The following SND1 variants were observed in gnomAD, a reference collection of about 807,000 sequenced individuals.
SND1 encodes the protein staphylococcal nuclease and tudor domain containing 1.
SND1 carries 38 observed loss-of-function variants against 121.7 expected under a neutral mutation model. That is an observed-to-expected ratio of 0.31 (90% confidence interval 0.24 to 0.41). The LOEUF (loss-of-function observed/expected upper bound fraction) is 0.41. Among genes scored for constraint, SND1 ranks in the 10% least tolerant of loss-of-function variants. The pLI is 1.00. For missense variants in SND1, 868 were observed against 1,184.6 expected, an observed-to-expected ratio of 0.73 and a Z score of 3.92; for synonymous variants, 401 against 447.4, an observed-to-expected ratio of 0.90 and a Z score of 1.31.
At chr7:128,041,347 C>T (rs1175907125) in intron 16 of SND1, among the ~76,000 whole-genome samples, 1 of 152,162 alleles carries the variant, frequency 6.6e-6, no homozygotes, top group Non-Finnish European at 1.5e-5. Flanking sequence ...GAAACCAGCC[C>T]AGCGCCCACA....
chr7:127,771,974 A>G (rs565233794), intron 10 of SND1, among the ~76,000 whole-genome samples: 13 of 152,304 alleles, frequency 8.5e-5, no homozygotes, highest in African/African-American at 2.9e-4. Context: ...TTTCCTATCC[A>G]TCAGATAATG....
At position 127,660,394 on chromosome 7, in the gene SND1, G is replaced by A. The variant is rs1366212286; in HGVS notation, c.78+7943G>A. Among the ~76,000 whole-genome samples, 3 of 152,212 alleles carry A rather than the reference G, an allele frequency of 2.0e-5. No homozygotes were observed. In the East Asian group the frequency reaches 5.8e-4, roughly 29 times the overall value. ...CCCTGCTCTTGACTGGGAGACTGTG[G>A]TGGGAGTGTGGGGGCTAATAGGGTC... On this transcript the variant is annotated intron_variant, in intron 1 of 23. Transcript: ENST00000354725.
intron 11 of SND1, among the ~76,000 whole-genome samples, chr7:127,814,047 ATATTAATTTGCT>A (rs1225266223): frequency 5.3e-5 from 8 of 152,170 alleles, no homozygotes; most frequent in African/African-American, 1.9e-4. Flanking sequence ...ATATACTCTT[ATATTAATTTGCT>A]TATTATTAAA....
intron 1 of SND1, among the ~76,000 whole-genome samples, chr7:127,675,234 T>C (rs1352282077): frequency 1.3e-5 from 2 of 152,134 alleles, no homozygotes; most frequent in Non-Finnish European, 2.9e-5. Flanking sequence ...TTTTTTTCCT[T>C]ATTAAAACAT....
chr7:127,677,462 A>G (rs1006866210), intron 1 of SND1, among the ~76,000 whole-genome samples: 4 of 152,232 alleles, frequency 2.6e-5, no homozygotes, highest in Non-Finnish European at 5.9e-5. Context: ...GAATTGGTCC[A>G]GAATTTATTT....
At chr7:127,734,690 T>A (rs1419021246) in intron 10 of SND1, among the ~76,000 whole-genome samples, 1 of 152,130 alleles carries the variant, frequency 6.6e-6, no homozygotes, top group Non-Finnish European at 1.5e-5. Flanking sequence ...TAACACAGTG[T>A]GCAGGTTTAG....
chr7:128,053,670 C>T (rs1793086619), intron 16 of SND1, among the ~76,000 whole-genome samples: 1 of 151,870 alleles, frequency 6.6e-6, no homozygotes, highest in Non-Finnish European at 1.5e-5. Context: ...TTACAAAACC[C>T]ACAAGCAGAG....
chr7:127,684,491 G>T (rs1205775610), intron 1 of SND1, among the ~76,000 whole-genome samples: 1 of 152,222 alleles, frequency 6.6e-6, no homozygotes, highest in African/African-American at 2.4e-5. Context: ...TTGTGAGAAA[G>T]AATTGAATAT....
intron 14 of SND1, among the ~76,000 whole-genome samples, chr7:127,916,490 G>A (rs956437233): frequency 6.6e-6 from 1 of 152,236 alleles, no homozygotes; most frequent in South Asian, 2.1e-4. Flanking sequence ...TCATGCATGA[G>A]TTTAGGACTA....
At chr7:127,821,351 T>A (rs1798543821) in intron 11 of SND1, among the ~76,000 whole-genome samples, 1 of 152,208 alleles carries the variant, frequency 6.6e-6, no homozygotes. Flanking sequence ...CCTGTTTGGA[T>A]AACACTGACC....
chr7:127,742,421 CT>C (rs1183018386), intron 10 of SND1, among the ~76,000 whole-genome samples: 3 of 152,150 alleles, frequency 2.0e-5, no homozygotes, highest in Non-Finnish European at 2.9e-5. Context: ...GGAAACCTCC[CT>C]GTTGGATGAC....
At position 128,089,593 on chromosome 7, in the gene SND1, C is replaced by A; in HGVS notation, c.2523C>A (p.Thr841=). 1.9e-6 allele frequency: 3 copies of A among 1,614,204 alleles called. No homozygotes were observed. The highest frequency in any genetic ancestry group is 2.5e-6 in the Non-Finnish European group (3 of 1,180,046). Residue 841 remains threonine, a synonymous_variant, in exon 22 of 24, where the codon ACC becomes ACA. Transcript: ENST00000354725. ...EHLSAGCPHV[T]LQFADSKGDV... ...TGAGTGCCGGCTGCCCCCATGTCAC[C>A]CTGCAGTTTGCAGATTCCAAGGGCG...
chr7:128,065,202 G>A (rs1326281289), intron 16 of SND1, among the ~76,000 whole-genome samples: 1 of 152,254 alleles, frequency 6.6e-6, no homozygotes, highest in Non-Finnish European at 1.5e-5. Context: ...AGAAGAGGTT[G>A]TGATCTGGAG....
intron 10 of SND1, among the ~76,000 whole-genome samples, chr7:127,753,626 T>A (rs186154930): frequency 6.6e-6 from 1 of 152,316 alleles, no homozygotes; most frequent in Admixed American, 6.5e-5. Flanking sequence ...CTTTCATTTC[T>A]GACAAATATT....
intron 11 of SND1, 150 bp downstream of exon 11, chr7:127,807,723 TTA>T: frequency 1.5e-6 from 1 of 660,932 alleles, no homozygotes; most frequent in Non-Finnish European, 2.7e-6. Context: ...AGAGGCGTGT[TTA>T]TGTGTCAGAA....
chr7:127,819,607 T>C (rs1216540380), intron 11 of SND1, among the ~76,000 whole-genome samples: 1 of 152,208 alleles, frequency 6.6e-6, no homozygotes, highest in Non-Finnish European at 1.5e-5. Context: ...TCTGGAGTCC[T>C]GGCCTGAAGT....
intron 10 of SND1, among the ~76,000 whole-genome samples, chr7:127,787,550 G>A (rs375655892): frequency 2.0e-5 from 3 of 152,204 alleles, no homozygotes; most frequent in African/African-American, 2.4e-5. Context: ...TTGATCCTCT[G>A]AGAATCTGTT....
intron 11 of SND1, among the ~76,000 whole-genome samples, chr7:127,838,231 G>T (rs991943120): frequency 6.6e-6 from 1 of 152,166 alleles, no homozygotes; most frequent in African/African-American, 2.4e-5. Flanking sequence ...GGTGGAAAAG[G>T]TTGTTTACTG....
At chr7:127,748,035 T>C (rs1797012145) in intron 10 of SND1, among the ~76,000 whole-genome samples, 1 of 152,254 alleles carries the variant, frequency 6.6e-6, no homozygotes, top group Non-Finnish European at 1.5e-5. Context: ...TTTCTGTCTT[T>C]CTTTTATGTT....
Sources: allele counts gnomAD v4.1 joint callset (sites outside exome capture counted in the v4.1 genomes callset), GRCh38; gene constraint gnomAD v4.1.1; transcripts MANE v1.5; gene names NCBI Gene and HGNC (gene_info 2026-07-23, HGNC 2026-07-21).